COLEC12: variants seen among roughly 807,000 people sequenced by gnomAD.
COLEC12 encodes the protein collectin-12.
A neutral mutation model predicts 71.1 loss-of-function variants in COLEC12; 33 were observed. The ratio of observed to expected loss-of-function variants is 0.46; its 90% CI spans 0.35 to 0.62. The LOEUF (loss-of-function observed/expected upper bound fraction) is 0.62. COLEC12 is among the 20% of genes least tolerant of loss of function. The probability of loss-of-function intolerance (pLI) is 0.00; values close to 1 mark genes in which losing one functional copy is unlikely to be tolerated. For missense variants in COLEC12, 765 were observed against 916.1 expected (o/e 0.84, Z 2.13); for synonymous variants, 350 against 353.0 (o/e 0.99, Z 0.10).
In COLEC12 at chr18:334,874, G is replaced by A. The variant is rs748313067; in HGVS notation, c.1684C>T (p.Arg562Trp). The A allele has an allele frequency of 3.9e-6, 6 of 1,522,294 alleles. No individual in the cohort carries two copies. Among genetic ancestry groups the A allele is most frequent in the Non-Finnish European group, 4.4e-6 (5 of 1,145,244 alleles). 94.3% of individuals were successfully genotyped at this position (1,522,294 alleles called of 1,614,324 possible). Residue 562 changes from arginine (R) to tryptophan (W), a missense_variant, in exon 6 of 10, where the codon CGG (arginine) becomes TGG (tryptophan). Arg to Trp is a moderately radical substitution (Grantham distance 101). Transcript: ENST00000400256. Reference protein sequence around the residue: ...TVGEPGVPGPRGLPGLPGVPG... With the variant: ...TVGEPGVPGPWGLPGLPGVPG... ...ACCCCAGGCAAGCCTGGCAGTCCCC[G>A]AGGTCCAGGCACCCCAGGCTCCCCA...
intron 2 of COLEC12, among the ~76,000 whole-genome samples, chr18:434,726 A>ATTTTTTGAAGCTTCCCAAAAG (rs1916370281): frequency 1.3e-5 from 2 of 152,192 alleles, no homozygotes; most frequent in Admixed American, 1.3e-4. Context: ...TCCCAAAAGC[A>ATTTTTTGAAGCTTCCCAAAAG]CATATTTGAA....
At chr18:355,047 GCATCCATC>G (rs112034077) in intron 3 of COLEC12, among the ~76,000 whole-genome samples, 81 of 150,380 alleles carry the variant, frequency 5.4e-4, no homozygotes, top group African/African-American at 1.8e-3. Context: ...ATCCATCCAT[GCATCCATC>G]CATCCATCCA....
chr18:414,369 C>T (rs568129819), intron 2 of COLEC12, among the ~76,000 whole-genome samples: 2 of 152,208 alleles, frequency 1.3e-5, no homozygotes, highest in African/African-American at 4.8e-5. Flanking sequence ...GCGGGTGGAT[C>T]ACCTGAGGTA....
At chr18:403,336 AC>A (rs1319599731) in intron 2 of COLEC12, among the ~76,000 whole-genome samples, 1 of 152,048 alleles carries the variant, frequency 6.6e-6, no homozygotes, top group African/African-American at 2.4e-5. Context: ...AAGAAAGAAA[AC>A]CCTTGCAGGT....
At chr18:486,074 GTCT>G (rs1475576682) in intron 1 of COLEC12, among the ~76,000 whole-genome samples, 4 of 152,242 alleles carry the variant, frequency 2.6e-5, no homozygotes, top group Non-Finnish European at 5.9e-5. Context: ...AAAAGATAAA[GTCT>G]TTCCCTTTTT....
intron 2 of COLEC12, among the ~76,000 whole-genome samples, chr18:469,463 C>G (rs1399080826): frequency 6.6e-6 from 1 of 152,232 alleles, no homozygotes; most frequent in Non-Finnish European, 1.5e-5. Context: ...GTGTCCAACA[C>G]ATTATGGATA....
intron 2 of COLEC12, among the ~76,000 whole-genome samples, chr18:464,847 T>C (rs1917054621): frequency 6.6e-6 from 1 of 152,210 alleles, no homozygotes; most frequent in African/African-American, 2.4e-5. Flanking sequence ...TCCTTATTCC[T>C]ATTGAGAGTT....
At chr18:380,195 T>C (rs1018727942) in intron 2 of COLEC12, among the ~76,000 whole-genome samples, 6 of 152,202 alleles carry the variant, frequency 3.9e-5, no homozygotes, top group Non-Finnish European at 8.8e-5. Context: ...TAGCTTACTC[T>C]TTACCGTCAT....
intron 1 of COLEC12, among the ~76,000 whole-genome samples, chr18:493,869 C>T (rs4797184): frequency 0.71 from 107,428 of 152,074 alleles, 38,487 homozygotes; most frequent in African/African-American, 0.82. Context: ...TAGAGACAAA[C>T]TTGTTTAATG....
At position 334,863 on chromosome 18, in the gene COLEC12, T is replaced by G; in HGVS notation, c.1695A>C (p.Pro565=). Residue 565 remains proline, a synonymous_variant, in exon 6 of 10, where the codon CCA becomes CCC. Coordinates refer to ENST00000400256, the MANE Select transcript of COLEC12 (RefSeq NM_130386.3). The stretch of plus-strand genomic sequence containing the variant: ...GCATGCCTGGTACCCCAGGCAAGCC[T>G]GGCAGTCCCCGAGGTCCAGGCACCC... The part of the protein sequence containing the change: ...EPGVPGPRGL[P]GLPGVPGMPG... The G allele has an allele frequency of 6.6e-7, 1 of 1,525,274 alleles. No homozygotes were observed. The highest frequency in any genetic ancestry group is 8.7e-7 in the Non-Finnish European group (1 of 1,146,998). 94.5% of individuals were successfully genotyped at this position (1,525,274 alleles called of 1,614,324 possible).
chr18:380,709 A>G (rs910203080), intron 2 of COLEC12, among the ~76,000 whole-genome samples: 12 of 152,182 alleles, frequency 7.9e-5, no homozygotes, highest in African/African-American at 2.7e-4. Flanking sequence ...CCCAGTGATA[A>G]TATGGATGTG....
chr18:395,157 T>A (rs927133899), intron 2 of COLEC12, among the ~76,000 whole-genome samples: 10 of 152,208 alleles, frequency 6.6e-5, no homozygotes, highest in Non-Finnish European at 1.5e-5. Context: ...TGTGGAAGAA[T>A]GCAGCAGAAA....
In COLEC12 at chr18:478,952, T is replaced by A. The variant is rs540212178; in HGVS notation, c.58+1755A>T. 5.9e-5 allele frequency among the ~76,000 whole-genome samples: 9 copies of A among 152,236 alleles called. No homozygotes were observed. In the South Asian group the frequency reaches 1.2e-3, roughly 21 times the overall value. On this transcript the variant is annotated intron_variant, in intron 2 of 9. Coordinates refer to ENST00000400256, the MANE Select transcript of COLEC12 (RefSeq NM_130386.3). ...TGTTTTTCACCAAATCCCCAACCCA[T>A]CCAACTGGTAATATGGCTGAGAAAT...
chr18:473,053 C>A (rs1598376275), intron 2 of COLEC12, among the ~76,000 whole-genome samples: 1 of 152,024 alleles, frequency 6.6e-6, no homozygotes, highest in African/African-American at 2.4e-5. Context: ...AATATCAATC[C>A]TCCAAAGAAT....
At chr18:390,063 AAC>A (rs1052716963) in intron 2 of COLEC12, among the ~76,000 whole-genome samples, 1 of 152,266 alleles carries the variant, frequency 6.6e-6, no homozygotes, top group African/African-American at 2.4e-5. Flanking sequence ...AAATAAACAA[AAC>A]ACAAAGCATT....
At chr18:372,281 A>G (rs1915016578) in intron 2 of COLEC12, among the ~76,000 whole-genome samples, 1 of 152,260 alleles carries the variant, frequency 6.6e-6, no homozygotes, top group African/African-American at 2.4e-5. Context: ...TCTCATTTCT[A>G]TTAAATCAAG....
At chr18:347,784 A>G (rs559476304) in intron 4 of COLEC12, among the ~76,000 whole-genome samples, 1 of 152,318 alleles carries the variant, frequency 6.6e-6, no homozygotes, top group African/African-American at 2.4e-5. Flanking sequence ...TTTATGTGAC[A>G]GTTTTTAATA....
chr18:391,806 G>A (rs549876490), intron 2 of COLEC12, among the ~76,000 whole-genome samples: 1 of 152,236 alleles, frequency 6.6e-6, no homozygotes, highest in Admixed American at 6.5e-5. Context: ...CACTCAGAAA[G>A]GCAATCTTTA....
chr18:468,053 G>C (rs1917120172), intron 2 of COLEC12, among the ~76,000 whole-genome samples: 1 of 152,120 alleles, frequency 6.6e-6, no homozygotes, highest in Non-Finnish European at 1.5e-5. Context: ...CACGAGGTCA[G>C]GAGTTCGAGA....
Sources: allele counts gnomAD v4.1 joint callset (sites outside exome capture counted in the v4.1 genomes callset), GRCh38; gene constraint gnomAD v4.1.1; transcripts MANE v1.5; gene names NCBI Gene and HGNC (gene_info 2026-07-23, HGNC 2026-07-21).